FNBP1: variants seen among roughly 807,000 people sequenced by gnomAD.
FNBP1 encodes the protein formin-binding protein 1.
Under a neutral mutation model 90.6 loss-of-function variants are expected in FNBP1, and 26 were observed. The ratio of observed to expected loss-of-function variants is 0.29; its 90% confidence interval spans 0.21 to 0.40. The LOEUF (loss-of-function observed/expected upper bound fraction) is 0.40, where lower values mean the gene tolerates loss of function less well. FNBP1 is among the 10% of genes least tolerant of loss of function. The pLI, the probability that FNBP1 is intolerant of heterozygous loss-of-function variation, is 1.00. For synonymous variants in FNBP1, 260 were observed against 265.2 expected (o/e 0.98, Z 0.19); for missense variants, 635 against 768.0 (o/e 0.83, Z 2.05).
intron 1 of FNBP1, among the ~76,000 whole-genome samples, chr9:129,995,882 C>A (rs564864459): frequency 6.6e-6 from 1 of 152,106 alleles, no homozygotes; most frequent in Non-Finnish European, 1.5e-5. Context: ...TTTAGACTCT[C>A]CAGCAGGCAC....
chr9:130,047,394 C>G (rs577658135), upstream of FNBP1, among the ~76,000 whole-genome samples: 3 of 152,262 alleles, frequency 2.0e-5, no homozygotes, highest in South Asian at 6.2e-4. Context: ...GAGGATGGAT[C>G]ATGAGGTCAG....
chr9:129,888,965 C>T lies in FNBP1; in HGVS notation c.*1574G>A, dbSNP rs556094679. The T allele has an allele frequency of 1.3e-5, 3 of 228,100 alleles. No homozygotes were observed. The highest frequency in any genetic ancestry group is 1.8e-4 in the South Asian group (1 of 5,488). The allele number at this position is 228,100 out of a possible 1,614,324, so 14.1% of individuals were successfully genotyped here. ...AAGCCAAGCAAAGAATAAAGCTGCC[C>T]GACGTCATCCCCAGGCTTCCGTGGC... On this transcript the variant is annotated 3_prime_UTR_variant, in exon 17 of 17. Transcript: ENST00000446176.
intron 4 of FNBP1, among the ~76,000 whole-genome samples, chr9:129,967,488 C>A (rs1221691033): frequency 6.6e-6 from 1 of 152,096 alleles, no homozygotes; most frequent in Non-Finnish European, 1.5e-5. Flanking sequence ...GCACTCCAGA[C>A]TGGTGACAGA....
chr9:130,009,895 A>G (rs953633862), intron 1 of FNBP1, among the ~76,000 whole-genome samples: 3 of 150,276 alleles, frequency 2.0e-5, no homozygotes, highest in Non-Finnish European at 4.4e-5. Context: ...AAGAGAATCC[A>G]TTGAATTTAA....
At chr9:129,968,955 T>C (rs1049184905) in intron 4 of FNBP1, among the ~76,000 whole-genome samples, 4 of 152,238 alleles carry the variant, frequency 2.6e-5, no homozygotes, top group African/African-American at 9.6e-5. Context: ...TCTGGAGCTA[T>C]AAATCTTCAC....
intron 1 of FNBP1, among the ~76,000 whole-genome samples, chr9:130,006,435 CAG>C (rs1237542660): frequency 6.6e-6 from 1 of 152,178 alleles, no homozygotes; most frequent in Non-Finnish European, 1.5e-5. Flanking sequence ...GCGGAGGTTG[CAG>C]TGAGCTGAGA....
At chr9:129,967,874 A>T (rs1044071606) in intron 4 of FNBP1, among the ~76,000 whole-genome samples, 25 of 151,542 alleles carry the variant, frequency 1.6e-4, no homozygotes, top group Non-Finnish European at 3.7e-4. Flanking sequence ...TTAAAAAGAA[A>T]TTTTTTTTTG....
chr9:130,047,417 AG>A (rs764101402), upstream of FNBP1, among the ~76,000 whole-genome samples: 4 of 152,184 alleles, frequency 2.6e-5, no homozygotes, highest in Non-Finnish European at 5.9e-5. Context: ...GTTCAAGACC[AG>A]CCTGGCCGAC....
intron 6 of FNBP1, among the ~76,000 whole-genome samples, chr9:129,955,833 G>GCACACACACACACA (rs10656523): frequency 7.2e-6 from 1 of 138,946 alleles, no homozygotes; most frequent in Non-Finnish European, 1.7e-5. Context: ...TTCTTTTAGC[G>GCACACACACACACA]CGCACACACA....
rs1283554295 is a variant in FNBP1, at chr9:129,927,344, G to A, written c.643-3C>T. 3.7e-6 allele frequency: 6 copies of A among 1,608,052 alleles called. No individual in the cohort carries two copies. The Admixed American group carries it at 5.1e-5, about 14-fold the overall frequency. ...CTTTCCTCCATCTCTTGTATTTTCT[G>A]CAACATTAGATTTTGTATAAAGTAA... On this transcript the variant is annotated splice_region_variant and splice_polypyrimidine_tract_variant and intron_variant, in intron 7 of 16. Transcript: ENST00000446176.
chr9:129,994,388 G>T (rs999843880), intron 2 of FNBP1, among the ~76,000 whole-genome samples: 1 of 152,178 alleles, frequency 6.6e-6, no homozygotes, highest in South Asian at 2.1e-4. Flanking sequence ...TAGAAGTCAG[G>T]AGAGTGGTTA....
the FNBP1 span, among the ~76,000 whole-genome samples, chr9:130,050,108 T>C: frequency 6.6e-6 from 1 of 152,222 alleles, no homozygotes; most frequent in African/African-American, 2.4e-5. Flanking sequence ...CTCAGGATTT[T>C]TTCTTCTTCA....
intron 6 of FNBP1, among the ~76,000 whole-genome samples, chr9:129,955,071 C>T (rs559616821): frequency 6.6e-6 from 1 of 151,886 alleles, no homozygotes; most frequent in African/African-American, 2.4e-5. Context: ...TGAGGAAGTC[C>T]ACAATGATGA....
the FNBP1 span, among the ~76,000 whole-genome samples, chr9:130,053,112 G>A: frequency 3.3e-5 from 5 of 151,792 alleles, no homozygotes; most frequent in African/African-American, 7.3e-5. Flanking sequence ...GCTAGACTCC[G>A]TCTCAAAAAA....
chr9:129,928,669 A>AG, intron 7 of FNBP1, among the ~76,000 whole-genome samples: 1 of 150,340 alleles, frequency 6.7e-6, no homozygotes, highest in East Asian at 1.9e-4. Flanking sequence ...TCAAAAAAAA[A>AG]AAAGAAAAAA....
intron 1 of FNBP1, among the ~76,000 whole-genome samples, chr9:130,028,725 T>C (rs578195934): frequency 5.3e-5 from 8 of 152,322 alleles, no homozygotes; most frequent in African/African-American, 1.9e-4. Flanking sequence ...CAACACGTTA[T>C]GACAGCTATG....
At chr9:129,945,678 C>T (rs930300001) in intron 6 of FNBP1, among the ~76,000 whole-genome samples, 3 of 152,212 alleles carry the variant, frequency 2.0e-5, no homozygotes, top group African/African-American at 7.2e-5. Flanking sequence ...ATCCTGTTGG[C>T]TTCACAGAGT....
rs200153012 is a variant in FNBP1 at position 129,900,442 on chromosome 9, C to G, written c.1534G>C (p.Ala512Pro). The part of the protein sequence containing the change: ...SQNPPTVNNC[A>P]QDRESPDGSY... ...ATACTGTACCTCTCACGGTCCTGGG[C>G]GCAGTTGTTGACTGTGGGTGGGTTC... The change falls in exon 14 of 17, where the codon GCC (alanine) becomes CCC (proline). Residue 512 changes from alanine (A) to proline (P), a missense_variant. By Grantham distance (27) the Ala-to-Pro change is conservative (BLOSUM62 -1). Transcript: ENST00000446176. The surrounding 1 kb of genome is among the most constrained non-coding windows in gnomAD (Gnocchi z 4.1). The G allele has an allele frequency of 1.2e-4, 196 of 1,598,754 alleles. 1 individual carries two copies. Among genetic ancestry groups the G allele is most frequent in the Admixed American group, 4.4e-4 (25 of 57,102 alleles).
chr9:129,954,094 T>C (rs1417029172), intron 6 of FNBP1, among the ~76,000 whole-genome samples: 1 of 151,744 alleles, frequency 6.6e-6, no homozygotes, highest in African/African-American at 2.4e-5. Context: ...AAAAAAGTAT[T>C]AAAAAAGGTA....
Sources: allele counts gnomAD v4.1 joint callset (sites outside exome capture counted in the v4.1 genomes callset), GRCh38; gene constraint gnomAD v4.1.1; non-coding constraint Gnocchi (gnomAD v3.1); transcripts MANE v1.5; gene names NCBI Gene and HGNC (gene_info 2026-07-23, HGNC 2026-07-21).